The following FNDC3A variants were observed in gnomAD, a reference collection of about 807,000 sequenced individuals.
FNDC3A encodes the protein fibronectin type-III domain-containing protein 3A.
A neutral mutation model predicts 148.9 loss-of-function variants in FNDC3A; 32 were observed. The observed-to-expected ratio is 0.21, with a 90% CI of 0.16 to 0.29. FNDC3A has a LOEUF of 0.29. Among genes scored for constraint, FNDC3A ranks in the 10% least tolerant of loss-of-function variants. The pLI is 1.00. For synonymous variants in FNDC3A, 472 were observed against 473.6 expected (o/e 1.00, Z 0.04); for missense variants, 1,191 against 1,452.8 (o/e 0.82, Z 2.93).
chr13:49,153,063 T>C (rs1344635854), intron 8 of FNDC3A, among the ~76,000 whole-genome samples: 1 of 151,976 alleles, frequency 6.6e-6, no homozygotes, highest in East Asian at 1.9e-4. Context: ...CAAATGGTAT[T>C]TCTACTTCTA....
At chr13:49,181,964 T>A (rs1351176524) in intron 14 of FNDC3A, among the ~76,000 whole-genome samples, 1 of 152,014 alleles carries the variant, frequency 6.6e-6, no homozygotes, top group Admixed American at 6.6e-5. Context: ...TAAAGAAGAA[T>A]GAAAATAAAA....
At chr13:49,124,178 C>T (rs1881545445) in intron 4 of FNDC3A, among the ~76,000 whole-genome samples, 1 of 152,118 alleles carries the variant, frequency 6.6e-6, no homozygotes, top group Non-Finnish European at 1.5e-5. Context: ...AGGATGAATT[C>T]ATGTCCTTTG....
At position 49,075,289 on chromosome 13, in the gene FNDC3A, G is replaced by A. The variant is rs1161466819; in HGVS notation, c.100G>A (p.Val34Ile). The A allele has an allele frequency of 4.4e-6, 7 of 1,581,756 alleles. No individual in the cohort carries two copies. Among genetic ancestry groups the A allele is most frequent in the South Asian group, 1.1e-5 (1 of 89,298 alleles). The change falls in exon 3 of 26, where the codon GTT becomes ATT. Residue 34 changes from valine to isoleucine, a missense_variant and splice_region_variant. Physicochemically the swap from Val to Ile is conservative, Grantham distance 29. This residue lies in a region of FNDC3A where 426 missense variants were observed against 473.2 expected (regional missense o/e 0.90). Transcript: ENST00000492622. ...AATACTTCTTCCCCTCATTTTTAAG[G>A]TTATTCTGGTACAAGTTAACCCAGG... The part of the protein sequence containing the change: ...PIVSADGTQQ[V>I]ILVQVNPGEA...
At chr13:49,075,135 A>T (rs1040743930) in intron 2 of FNDC3A, among the ~76,000 whole-genome samples, 154 bp from the exon 3 acceptor site, 4 of 151,660 alleles carry the variant, frequency 2.6e-5, no homozygotes, top group East Asian at 3.9e-4. Context: ...GTGATGTCAC[A>T]TTTTTTTTAG....
chr13:49,087,544 C>T (rs1394833621), intron 3 of FNDC3A, among the ~76,000 whole-genome samples: 4 of 151,826 alleles, frequency 2.6e-5, no homozygotes, highest in Non-Finnish European at 4.4e-5. Flanking sequence ...GCTAGAGAAG[C>T]AAATTGACTT....
chr13:49,134,224 G>A (rs570323706), intron 5 of FNDC3A, among the ~76,000 whole-genome samples: 1 of 152,122 alleles, frequency 6.6e-6, no homozygotes, highest in Admixed American at 6.5e-5. Flanking sequence ...GTCTGTATGG[G>A]TTTGCCTATT....
intron 10 of FNDC3A, among the ~76,000 whole-genome samples, chr13:49,169,991 G>A (rs760862605): frequency 6.6e-6 from 1 of 152,074 alleles, no homozygotes; most frequent in Non-Finnish European, 1.5e-5. Flanking sequence ...TGTTTATATA[G>A]GTTAAGATTT....
At chr13:49,025,489 C>T (rs970169133) in intron 2 of FNDC3A, among the ~76,000 whole-genome samples, 1 of 151,870 alleles carries the variant, frequency 6.6e-6, no homozygotes. Flanking sequence ...TATATGTGTC[C>T]TCAAACATGT....
At position 49,207,094 on chromosome 13, in the gene FNDC3A, C is replaced by A; in HGVS notation, c.3296C>A (p.Pro1099His). 1 of 1,613,434 alleles carries A rather than the reference C, an allele frequency of 6.2e-7. No individual in the cohort carries two copies. The stretch of plus-strand genomic sequence containing the variant: ...TTTTATTAACAGATTTACAAGGGTC[C>A]CGACTCTTCCTTCCGGTATTCCAGC... ...DSEFKQIYKG[P>H]DSSFRYSSLQ... Residue 1099 changes from proline (P) to histidine (H), a missense_variant, in exon 26 of 26, where the codon CCC becomes CAC. By Grantham distance (77) the Pro-to-His change is moderately conservative (BLOSUM62 -2). Coordinates refer to ENST00000492622, the MANE Select transcript of FNDC3A (RefSeq NM_001079673.2).
At chr13:49,183,866 T>C (rs1885430143) in intron 14 of FNDC3A, among the ~76,000 whole-genome samples, 1 of 152,198 alleles carries the variant, frequency 6.6e-6, no homozygotes, top group South Asian at 2.1e-4. Context: ...TATAGCATCA[T>C]AGTCCCCATC....
chr13:49,071,877 A>G lies in FNDC3A; in HGVS notation c.100-3412A>G, dbSNP rs1004652236. 6.6e-5 allele frequency among the ~76,000 whole-genome samples: 10 copies of G among 151,908 alleles called. No homozygotes were observed. In the East Asian group the frequency reaches 1.6e-3, roughly 24 times the overall value. ...TTTGTTTTTAAGATAGGGTCTCACT[A>G]TGTCGCCCAGGCTGGTCTCAAACTC... On this transcript the variant is annotated intron_variant, in intron 2 of 25. Coordinates refer to ENST00000492622, the MANE Select transcript of FNDC3A (RefSeq NM_001079673.2).
intron 2 of FNDC3A, among the ~76,000 whole-genome samples, chr13:49,040,629 A>C (rs937364403): frequency 1.1e-4 from 16 of 152,240 alleles, no homozygotes; most frequent in Non-Finnish European, 1.8e-4. Context: ...GTGCAAACTT[A>C]AGAGTATGGT....
intron 4 of FNDC3A, among the ~76,000 whole-genome samples, chr13:49,118,317 T>C (rs1046448933): frequency 6.6e-6 from 1 of 152,094 alleles, no homozygotes; most frequent in African/African-American, 2.4e-5. Flanking sequence ...AACAGTGCAT[T>C]CCGGCCCAGA....
At chr13:49,010,595 C>T (rs1019313607) in intron 2 of FNDC3A, among the ~76,000 whole-genome samples, 3 of 152,092 alleles carry the variant, frequency 2.0e-5, no homozygotes, top group Admixed American at 6.6e-5. Context: ...TGTTTTAAAT[C>T]ATGAAGTATA....
chr13:49,173,542 C>T (rs943427638), intron 11 of FNDC3A, among the ~76,000 whole-genome samples: 1 of 152,044 alleles, frequency 6.6e-6, no homozygotes, highest in Admixed American at 6.6e-5. Context: ...GCCAATTATC[C>T]CTACCTTTAT....
chr13:49,061,265 A>G (rs955038615), intron 2 of FNDC3A, among the ~76,000 whole-genome samples: 2 of 150,356 alleles, frequency 1.3e-5, no homozygotes, highest in Non-Finnish European at 3.0e-5. Flanking sequence ...TTGCACCAGC[A>G]TGCTTGGCTT....
chr13:49,038,303 G>A (rs190818320), intron 2 of FNDC3A, among the ~76,000 whole-genome samples: 262 of 152,288 alleles, frequency 1.7e-3, no homozygotes, highest in African/African-American at 6.2e-3. Flanking sequence ...CCAGGCTTGA[G>A]GGTGGGGCCT....
chr13:49,148,076 G>GT (rs1048433284), intron 8 of FNDC3A, among the ~76,000 whole-genome samples: 2 of 152,034 alleles, frequency 1.3e-5, no homozygotes, highest in African/African-American at 4.8e-5. Context: ...GATTATTTGT[G>GT]TTTTTCCTGT....
intron 2 of FNDC3A, among the ~76,000 whole-genome samples, chr13:49,018,071 T>A (rs1872965118): frequency 6.6e-6 from 1 of 151,736 alleles, no homozygotes; most frequent in Non-Finnish European, 1.5e-5. Flanking sequence ...AATCTGACAA[T>A]TATGTGTCTT....
Sources: gnomAD v4.1 joint callset for allele counts (sites outside exome capture counted in the v4.1 genomes callset) on GRCh38, gnomAD v4.1.1 for gene constraint, gnomAD v4.1.1 regional missense constraint, MANE v1.5 for transcripts, NCBI Gene and HGNC (gene_info 2026-07-23, HGNC 2026-07-21) for gene names.